The following PALLD variants were observed in gnomAD, a reference collection of about 807,000 sequenced individuals.
The protein encoded by PALLD is palladin.
A neutral mutation model predicts 123.5 loss-of-function variants in PALLD; 61 were observed. The ratio of observed to expected loss-of-function variants is 0.49; its 90% confidence interval spans 0.40 to 0.61. The LOEUF (loss-of-function observed/expected upper bound fraction) is 0.61, where lower values mean the gene tolerates loss of function less well. Ranked by LOEUF, PALLD falls within the 20% of genes least tolerant of loss-of-function variation. The probability of loss-of-function intolerance (pLI) is 0.00; values close to 1 mark genes in which losing one functional copy is unlikely to be tolerated. For missense variants in PALLD, 1,273 were observed against 1,377.0 expected, an observed-to-expected ratio of 0.92 and a Z score of 1.20; for synonymous variants, 465 against 496.4, an observed-to-expected ratio of 0.94 and a Z score of 0.84.
At chr4:168,655,451 C>A (rs868439100) in intron 2 of PALLD, among the ~76,000 whole-genome samples, 1 of 152,192 alleles carries the variant, frequency 6.6e-6, no homozygotes, top group South Asian at 2.1e-4. Context: ...TTAGATTAGA[C>A]TAGAGCCAGG....
chr4:168,690,695 G>T lies in PALLD; in HGVS notation c.1428G>T (p.Arg476=), dbSNP rs1199670376. ...CCCCTCTGCAGGTCCAGTGGTTTCG[G>T]CAAGGGAGTGAAATCCAAGACTCTC... ...GAPPLQVQWF[R]QGSEIQDSPD... Residue 476 remains arginine, a synonymous_variant, in exon 7 of 22, where the codon CGG becomes CGT. Transcript: ENST00000505667. The T allele has an allele frequency of 6.2e-7, 1 of 1,614,158 alleles. No individual in the cohort carries two copies. The highest frequency in any genetic ancestry group is 8.5e-7 in the Non-Finnish European group (1 of 1,180,020).
intron 14 of PALLD, among the ~76,000 whole-genome samples, chr4:168,899,781 G>A (rs1334165041): frequency 1.3e-5 from 2 of 152,020 alleles, no homozygotes; most frequent in Admixed American, 1.3e-4. Flanking sequence ...GCTGGGCATG[G>A]TGGTGGGCGC....
intron 3 of PALLD, among the ~76,000 whole-genome samples, chr4:168,669,346 G>A (rs748768466): frequency 3.3e-5 from 5 of 152,128 alleles, no homozygotes; most frequent in Admixed American, 6.5e-5. Context: ...CAGGAGGATC[G>A]CTCGAGGCCA....
chr4:168,628,917 CAAAT>C (rs1243019360), intron 2 of PALLD, among the ~76,000 whole-genome samples: 1 of 151,740 alleles, frequency 6.6e-6, no homozygotes, highest in Non-Finnish European at 1.5e-5. Context: ...TGTTTCCAAA[CAAAT>C]GAATTAATGA....
intron 2 of PALLD, among the ~76,000 whole-genome samples, chr4:168,646,818 A>G (rs374958290): frequency 6.6e-6 from 1 of 152,340 alleles, no homozygotes; most frequent in East Asian, 1.9e-4. Flanking sequence ...AAGTCTCATC[A>G]CTCAAGAATA....
At chr4:168,783,205 T>C (rs557716096) in intron 10 of PALLD, among the ~76,000 whole-genome samples, 1 of 152,244 alleles carries the variant, frequency 6.6e-6, no homozygotes, top group Non-Finnish European at 1.5e-5. Flanking sequence ...ATTATTTTGA[T>C]TTAGTTAAAT....
chr4:168,774,699 G>A (rs1220998854), intron 10 of PALLD, among the ~76,000 whole-genome samples: 1 of 123,246 alleles, frequency 8.1e-6, no homozygotes, highest in Admixed American at 1.1e-4. Context: ...CTGCACTCCA[G>A]CCTGGGAAAC....
intron 2 of PALLD, among the ~76,000 whole-genome samples, chr4:168,603,688 G>A (rs967881719): frequency 7.9e-5 from 12 of 152,060 alleles, no homozygotes; most frequent in Non-Finnish European, 1.6e-4. Context: ...TAAAAATGAG[G>A]CAAGTAAGGT....
In PALLD at chr4:168,859,615, G is replaced by C. The variant is rs191995913; in HGVS notation, c.1965-31307G>C. ...ATCTATCACCACTACCCCAAATATC[G>C]GTCCCTCAGAGACCAAGTCCTTAGA... On this transcript the variant is annotated intron_variant, in intron 10 of 21. Transcript: ENST00000505667. Among the ~76,000 whole-genome samples the C allele has an allele frequency of 8.5e-5, 13 of 152,168 alleles. No individual in the cohort carries two copies. In the East Asian group the frequency reaches 2.5e-3, roughly 29 times the overall value.
chr4:168,833,655 A>C (rs1228623416), intron 10 of PALLD, among the ~76,000 whole-genome samples: 1 of 151,692 alleles, frequency 6.6e-6, no homozygotes, highest in African/African-American at 2.4e-5. Flanking sequence ...AACTCCCACT[A>C]CCTAAGGAAA....
chr4:168,704,622 C>T (rs1002917337), intron 8 of PALLD, among the ~76,000 whole-genome samples: 2 of 147,038 alleles, frequency 1.4e-5, no homozygotes, highest in African/African-American at 2.5e-5. Context: ...CGAGATTGCG[C>T]CACTGCACCT....
chr4:168,755,333 A>C (rs1731687117), intron 10 of PALLD, among the ~76,000 whole-genome samples: 1 of 152,054 alleles, frequency 6.6e-6, no homozygotes, highest in South Asian at 2.1e-4. Context: ...AAATATGGGC[A>C]GGGACTTGAA....
chr4:168,541,181 G>T (rs562095566), intron 2 of PALLD, among the ~76,000 whole-genome samples: 1 of 152,288 alleles, frequency 6.6e-6, no homozygotes, highest in Non-Finnish European at 1.5e-5. Context: ...ATTATTCAGG[G>T]CTCAAGATGG....
chr4:168,501,636 T>A (rs1761416153), intron 1 of PALLD, among the ~76,000 whole-genome samples: 1 of 151,898 alleles, frequency 6.6e-6, no homozygotes, highest in Admixed American at 6.6e-5. Context: ...AGATGAAGAG[T>A]TTGGCATTAG....
intron 10 of PALLD, among the ~76,000 whole-genome samples, chr4:168,768,343 G>A (rs1158746807): frequency 6.6e-6 from 1 of 152,196 alleles, no homozygotes; most frequent in Non-Finnish European, 1.5e-5. Flanking sequence ...CGCTCTACCT[G>A]TGAGTGCTCT....
intron 10 of PALLD, chr4:168,756,220 C>A: frequency 5.4e-6 from 1 of 185,086 alleles, no homozygotes; most frequent in South Asian, 9.2e-5. Context: ...TTCAATATCC[C>A]AAGCCCAGAA....
intron 14 of PALLD, among the ~76,000 whole-genome samples, chr4:168,902,914 G>T (rs554913376): frequency 6.6e-6 from 1 of 152,034 alleles, no homozygotes; most frequent in African/African-American, 2.4e-5. Context: ...TAGGGCTATA[G>T]ACATGCACCA....
intron 14 of PALLD, among the ~76,000 whole-genome samples, chr4:168,901,509 G>T (rs974192529): frequency 6.6e-6 from 1 of 152,198 alleles, no homozygotes. Context: ...ATTGTGGCAA[G>T]AATGCAAAAG....
intron 2 of PALLD, among the ~76,000 whole-genome samples, chr4:168,666,173 G>T (rs1001435947): frequency 9.2e-5 from 14 of 152,168 alleles, no homozygotes; most frequent in African/African-American, 2.9e-4. Flanking sequence ...CACTTAGGTA[G>T]TTGGCAAATG....
Sources: gnomAD v4.1 joint callset for allele counts (sites outside exome capture counted in the v4.1 genomes callset) on GRCh38, gnomAD v4.1.1 for gene constraint, MANE v1.5 for transcripts, NCBI Gene and HGNC (gene_info 2026-07-23, HGNC 2026-07-21) for gene names.